The following PDE1C variants were observed in gnomAD, a reference collection of about 807,000 sequenced individuals.
The protein encoded by PDE1C is dual specificity calcium/calmodulin-dependent 3',5'-cyclic nucleotide phosphodiesterase 1C.
Under a neutral mutation model 93.1 loss-of-function variants are expected in PDE1C, and 62 were observed. That is an observed-to-expected ratio of 0.67 (90% confidence interval 0.54 to 0.82). PDE1C has a LOEUF of 0.82. Ranked by LOEUF, PDE1C falls within the 40% of genes least tolerant of loss-of-function variation. PDE1C has a pLI of 0.00. For synonymous variants in PDE1C, 325 were observed against 310.1 expected (o/e 1.05, Z -0.50); for missense variants, 742 against 884.6 (o/e 0.84, Z 2.04).
At chr7:32,341,330 C>G (rs1013601491) in intron 1 of PDE1C, among the ~76,000 whole-genome samples, 1 of 149,348 alleles carries the variant, frequency 6.7e-6, no homozygotes, top group Non-Finnish European at 1.5e-5. Context: ...CGCCCGCTAC[C>G]ACGCCCGGCT....
At chr7:31,856,446 TGC>T (rs1794030337) in intron 7 of PDE1C, among the ~76,000 whole-genome samples, 1 of 152,208 alleles carries the variant, frequency 6.6e-6, no homozygotes, top group South Asian at 2.1e-4. Context: ...TCATGATCAC[TGC>T]TATGATACAA....
At chr7:32,405,931 C>T (rs1438139552) in intron 1 of PDE1C, among the ~76,000 whole-genome samples, 1 of 152,138 alleles carries the variant, frequency 6.6e-6, no homozygotes, top group Non-Finnish European at 1.5e-5. Flanking sequence ...ATTAGATGAA[C>T]ACCCATCCCT....
chr7:32,070,023 A>ACCATAAC (rs1795840585), intron 1 of PDE1C, among the ~76,000 whole-genome samples: 1 of 152,200 alleles, frequency 6.6e-6, no homozygotes, highest in Non-Finnish European at 1.5e-5. Flanking sequence ...GTATTGGGCC[A>ACCATAAC]CCATAACTGA....
Position 32,335,270 on chromosome 7 carries a change from G to A in PDE1C, c.310+92552C>T, listed in dbSNP as rs535518476. Among the ~76,000 whole-genome samples, 8 of 152,314 alleles carry A rather than the reference G, an allele frequency of 5.3e-5. No homozygotes were observed. The East Asian group carries it at 1.5e-3, about 29-fold the overall frequency. Reference sequence around the variant, plus strand: ...TCCCTGAGTGTGTGACCCTGAATGAGTCATCCAACCACTCACATCCTCTGC... The same window carrying A: ...TCCCTGAGTGTGTGACCCTGAATGAATCATCCAACCACTCACATCCTCTGC... On this transcript the variant is annotated intron_variant, in intron 1 of 1. Transcript: ENST00000672256.
intron 3 of PDE1C, among the ~76,000 whole-genome samples, chr7:32,086,373 G>A (rs1257088999): frequency 6.6e-6 from 1 of 152,134 alleles, no homozygotes; most frequent in Non-Finnish European, 1.5e-5. Context: ...ACAAATGGAA[G>A]AACATTCCAT....
intron 2 of PDE1C, among the ~76,000 whole-genome samples, chr7:32,012,177 G>A (rs1327118812): frequency 1.3e-5 from 2 of 152,212 alleles, no homozygotes; most frequent in South Asian, 2.1e-4. Flanking sequence ...TCATGGTTCT[G>A]CAGGCTGTAC....
chr7:32,419,714 A>C (rs1785351022), intron 1 of PDE1C, among the ~76,000 whole-genome samples: 2 of 151,524 alleles, frequency 1.3e-5, no homozygotes, highest in African/African-American at 4.9e-5. Flanking sequence ...AGAAGGAAAA[A>C]CCCAGGGCTT....
At chr7:31,980,802 C>T (rs1282558910) in intron 2 of PDE1C, among the ~76,000 whole-genome samples, 1 of 152,172 alleles carries the variant, frequency 6.6e-6, no homozygotes, top group Non-Finnish European at 1.5e-5. Flanking sequence ...TGGAGACCAC[C>T]CACCTTCCTG....
chr7:32,050,490 G>A (rs1013232250), intron 2 of PDE1C, among the ~76,000 whole-genome samples: 1 of 152,088 alleles, frequency 6.6e-6, no homozygotes, highest in Non-Finnish European at 1.5e-5. Flanking sequence ...AGAAAGCAGT[G>A]TATACAAGAT....
At chr7:31,714,233 A>G in the PDE1C span, among the ~76,000 whole-genome samples, 1 of 152,180 alleles carries the variant, frequency 6.6e-6, no homozygotes, top group Non-Finnish European at 1.5e-5. Flanking sequence ...AGTTCCACAA[A>G]TCTCTAGGGC....
chr7:32,183,891 C>G (rs1478386916), intron 2 of PDE1C, among the ~76,000 whole-genome samples: 3 of 151,940 alleles, frequency 2.0e-5, no homozygotes, highest in Admixed American at 6.6e-5. Flanking sequence ...AAAATTTTCC[C>G]AACCTACTCA....
At chr7:32,314,671 T>C (rs1783130824) in intron 1 of PDE1C, among the ~76,000 whole-genome samples, 3 of 152,158 alleles carry the variant, frequency 2.0e-5, no homozygotes, top group Admixed American at 1.3e-4. Flanking sequence ...GTTTTCTTAC[T>C]GTGGTTCTTA....
At chr7:31,791,638 T>C (rs777222207) in intron 16 of PDE1C, among the ~76,000 whole-genome samples, 21 of 152,052 alleles carry the variant, frequency 1.4e-4, no homozygotes, top group Non-Finnish European at 2.8e-4. Flanking sequence ...CCAATTTTGT[T>C]AGGATGACAG....
intron 17 of PDE1C, among the ~76,000 whole-genome samples, chr7:31,755,133 A>T (rs1191044311): frequency 6.6e-6 from 1 of 152,166 alleles, no homozygotes; most frequent in Admixed American, 6.5e-5. Flanking sequence ...CAACTCTAAG[A>T]CCACTCTACA....
chr7:32,099,100 A>G (rs1251646629), intron 3 of PDE1C, among the ~76,000 whole-genome samples: 3 of 152,248 alleles, frequency 2.0e-5, no homozygotes, highest in Non-Finnish European at 4.4e-5. Context: ...AAAATTTGCT[A>G]TAGCAACAAT....
At chr7:32,136,979 C>A (rs190838336) in intron 3 of PDE1C, among the ~76,000 whole-genome samples, 1 of 152,260 alleles carries the variant, frequency 6.6e-6, no homozygotes, top group East Asian at 1.9e-4. Context: ...TTTTTAAACC[C>A]CACATTTATA....
intron 1 of PDE1C, among the ~76,000 whole-genome samples, chr7:32,248,966 G>A (rs1173149289): frequency 2.6e-5 from 4 of 152,146 alleles, no homozygotes; most frequent in African/African-American, 7.2e-5. Flanking sequence ...GTCTTCAGGT[G>A]TATGAAGGGC....
chr7:32,111,826 A>T (rs1486624798), intron 3 of PDE1C, among the ~76,000 whole-genome samples: 1 of 152,208 alleles, frequency 6.6e-6, no homozygotes, highest in Non-Finnish European at 1.5e-5. Flanking sequence ...AGGGTAGACA[A>T]AACAAAATTC....
intron 3 of PDE1C, among the ~76,000 whole-genome samples, chr7:32,124,025 A>C (rs1799437940): frequency 6.6e-6 from 1 of 152,210 alleles, no homozygotes; most frequent in South Asian, 2.1e-4. Context: ...TACAAAATCA[A>C]TGTGCAAAAA....
Sources: gnomAD v4.1 joint callset for allele counts (sites outside exome capture counted in the v4.1 genomes callset) on GRCh38, gnomAD v4.1.1 for gene constraint, MANE v1.5 for transcripts, NCBI Gene and HGNC (gene_info 2026-07-23, HGNC 2026-07-21) for gene names.